Variants in NEGR1 observed in about 807,000 individuals in gnomAD.
NEGR1 encodes the protein IgLON family member 4.
In NEGR1, 10 loss-of-function variants were observed where a neutral mutation model predicts 40.9. The observed-to-expected ratio is 0.24, with a 90% CI of 0.15 to 0.42. The LOEUF (loss-of-function observed/expected upper bound fraction) is 0.42, where lower values mean the gene tolerates loss of function less well. Among genes scored for constraint, NEGR1 ranks in the 10% least tolerant of loss-of-function variants. The pLI, the probability that NEGR1 is intolerant of heterozygous loss-of-function variation, is 1.00. For missense variants in NEGR1, 352 were observed against 438.9 expected, an observed-to-expected ratio of 0.80 and a Z score of 1.77; for synonymous variants, 185 against 166.8, an observed-to-expected ratio of 1.11 and a Z score of -0.84.
At chr1:71,652,097 A>G (rs1218443501) in intron 4 of NEGR1, among the ~76,000 whole-genome samples, 2 of 152,220 alleles carry the variant, frequency 1.3e-5, no homozygotes, top group Non-Finnish European at 2.9e-5. Context: ...CATAAAACCC[A>G]TAAATGAGCA....
At chr1:72,053,596 A>C (rs2100480771) in intron 1 of NEGR1, among the ~76,000 whole-genome samples, 1 of 151,258 alleles carries the variant, frequency 6.6e-6, no homozygotes, top group South Asian at 2.1e-4. Flanking sequence ...CATTCTTTAA[A>C]ATTAATTGCA....
intron 2 of NEGR1, among the ~76,000 whole-genome samples, chr1:71,927,464 C>G (rs71651498): frequency 6.6e-6 from 1 of 152,034 alleles, no homozygotes; most frequent in Non-Finnish European, 1.5e-5. Context: ...AACCTTGATT[C>G]TGAATTTGTC....
chr1:71,644,034 A>G (rs1266883561), intron 4 of NEGR1, among the ~76,000 whole-genome samples: 1 of 151,968 alleles, frequency 6.6e-6, no homozygotes, highest in African/African-American at 2.4e-5. Context: ...CTAAGATCTC[A>G]TTCCATTGAT....
rs574283175 is a variant in NEGR1 at position 72,076,533 on chromosome 1, C to T, written c.177-141222G>A. Among the ~76,000 whole-genome samples the T allele has an allele frequency of 1.4e-3, 196 of 138,846 alleles. 1 individual carries two copies. The highest frequency in any genetic ancestry group is 4.9e-3 in the African/African-American group (191 of 38,830). 91.1% of individuals were successfully genotyped at this position (138,846 alleles called of 152,430 possible). Reference sequence around the variant, plus strand: ...CCCACCCCCCCTGCCTCACCAACCTCATTCTCAGATCTGAATTACACCACT... The same window carrying T: ...CCCACCCCCCCTGCCTCACCAACCTTATTCTCAGATCTGAATTACACCACT... On this transcript the variant is annotated intron_variant, in intron 1 of 6. Transcript: ENST00000357731.
intron 2 of NEGR1, among the ~76,000 whole-genome samples, chr1:71,836,349 A>G (rs1397579732): frequency 6.6e-6 from 1 of 151,526 alleles, no homozygotes; most frequent in African/African-American, 2.4e-5. Context: ...TTGCTGCTTG[A>G]ACCTGTGAAG....
chr1:71,472,455 T>C (rs1646788795), intron 6 of NEGR1: 1 of 152,120 alleles, frequency 6.6e-6, no homozygotes, highest in South Asian at 2.1e-4. Context: ...AAAGATGAAA[T>C]TCAATTGGGC....
At chr1:71,501,162 T>C (rs974605124) in intron 6 of NEGR1, among the ~76,000 whole-genome samples, 1 of 152,146 alleles carries the variant, frequency 6.6e-6, no homozygotes, top group African/African-American at 2.4e-5. Context: ...TGTGCAGGCA[T>C]GTGTGCACAT....
chr1:71,867,239 T>C (rs1356524674), intron 2 of NEGR1, among the ~76,000 whole-genome samples: 1 of 151,998 alleles, frequency 6.6e-6, no homozygotes, highest in African/African-American at 2.4e-5. Context: ...CCAGGTGTGG[T>C]GGCCCGTGCC....
At chr1:72,185,365 C>T (rs1212368457) in intron 1 of NEGR1, among the ~76,000 whole-genome samples, 1 of 151,856 alleles carries the variant, frequency 6.6e-6, no homozygotes, top group Non-Finnish European at 1.5e-5. Context: ...AATAGTTCAA[C>T]AAAATATGAC....
In NEGR1 at chr1:72,125,656, T is replaced by C. The variant is rs190009059; in HGVS notation, c.176+156663A>G. Among the ~76,000 whole-genome samples the C allele has an allele frequency of 2.6e-5, 4 of 152,260 alleles. No homozygotes were observed. In the East Asian group the frequency reaches 5.8e-4, roughly 22 times the overall value. ...GATAGTGTATTAAATGGACCAAATA[T>C]AGCAGCTCACGCTTATTGTATTCAA... On this transcript the variant is annotated intron_variant, in intron 1 of 6. Transcript: ENST00000357731.
At chr1:71,668,847 A>C (rs1331699554) in intron 4 of NEGR1, among the ~76,000 whole-genome samples, 1 of 152,222 alleles carries the variant, frequency 6.6e-6, no homozygotes, top group Non-Finnish European at 1.5e-5. Context: ...GAATGGAGGG[A>C]ATGTTCCCAA....
intron 1 of NEGR1, among the ~76,000 whole-genome samples, chr1:72,193,782 A>G (rs956187132): frequency 1.3e-5 from 2 of 151,616 alleles, no homozygotes; most frequent in African/African-American, 2.4e-5. Flanking sequence ...ATATTTTTAA[A>G]GTGTTCATTT....
At chr1:71,683,796 A>T (rs1652922216) in intron 4 of NEGR1, among the ~76,000 whole-genome samples, 1 of 136,462 alleles carries the variant, frequency 7.3e-6, no homozygotes, top group African/African-American at 2.8e-5. Flanking sequence ...TTTAATTTTC[A>T]GGGGTTTGGG....
At chr1:72,172,474 G>C (rs1417939667) in intron 1 of NEGR1, among the ~76,000 whole-genome samples, 1 of 151,964 alleles carries the variant, frequency 6.6e-6, no homozygotes, top group African/African-American at 2.4e-5. Flanking sequence ...CATAAATAAA[G>C]GGCCCATCAT....
At chr1:71,827,222 G>A (rs560991416) in intron 2 of NEGR1, among the ~76,000 whole-genome samples, 33 of 151,546 alleles carry the variant, frequency 2.2e-4, no homozygotes, top group African/African-American at 7.0e-4. Context: ...AGGGAGCAGA[G>A]AGAAAAATAA....
Position 72,040,220 on chromosome 1 carries a change from G to T in NEGR1, c.177-104909C>A, listed in dbSNP as rs2821280. Among the ~76,000 whole-genome samples the T allele has an allele frequency of 9.8e-3, 1,491 of 151,810 alleles. 23 individuals carry two copies. Among genetic ancestry groups the T allele is most frequent in the African/African-American group, 0.035 (1,430 of 41,438 alleles). The stretch of plus-strand genomic sequence containing the variant: ...CAAAGCTTTGTCATAGTCTTCCCCC[G>T]AATCCCGCATCGTAACTTAAAGGTG... On this transcript the variant is annotated intron_variant, in intron 1 of 6. Coordinates refer to ENST00000357731, the MANE Select transcript of NEGR1 (RefSeq NM_173808.3).
intron 1 of NEGR1, among the ~76,000 whole-genome samples, chr1:72,148,698 A>G (rs959756482): frequency 5.3e-5 from 8 of 152,128 alleles, no homozygotes; most frequent in Non-Finnish European, 1.0e-4. Flanking sequence ...CTCAAGTTAA[A>G]GTTTCCACAA....
chr1:71,822,918 G>A (rs1463959714), intron 2 of NEGR1, among the ~76,000 whole-genome samples: 5 of 152,030 alleles, frequency 3.3e-5, no homozygotes, highest in Admixed American at 2.6e-4. Context: ...ACCGCCTGCT[G>A]AAAGCATAGC....
chr1:72,172,611 C>T (rs1230749607), intron 1 of NEGR1, among the ~76,000 whole-genome samples: 2 of 152,090 alleles, frequency 1.3e-5, no homozygotes, highest in Non-Finnish European at 2.9e-5. Context: ...ATATTGTAAT[C>T]GTTTCCTGTT....
Sources: allele counts gnomAD v4.1 joint callset (sites outside exome capture counted in the v4.1 genomes callset), GRCh38; gene constraint gnomAD v4.1.1; transcripts MANE v1.5; gene names NCBI Gene and HGNC (gene_info 2026-07-23, HGNC 2026-07-21).